Variants in TMEM63C observed in about 807,000 individuals in gnomAD.
TMEM63C encodes the protein transmembrane protein 63C, also known as osmosensitive cation channel TMEM63C.
In TMEM63C, 32 loss-of-function variants were observed where a neutral mutation model predicts 99.2. That is an observed-to-expected ratio of 0.32 (90% CI 0.24 to 0.43). TMEM63C has a LOEUF of 0.43. Among genes scored for constraint, TMEM63C ranks in the 20% least tolerant of loss-of-function variants. The pLI is 1.00. For missense variants in TMEM63C, 826 were observed against 1,053.0 expected (o/e 0.78, Z 2.98); for synonymous variants, 376 against 397.9 (o/e 0.94, Z 0.66).
intron 22 of TMEM63C, among the ~76,000 whole-genome samples, chr14:77,252,200 G>A (rs1889379242): frequency 6.6e-6 from 1 of 152,166 alleles, no homozygotes; most frequent in South Asian, 2.1e-4. Context: ...TGAGTCCAGT[G>A]CAGCCACTGA....
At chr14:77,204,651 T>C (rs557202463) in intron 1 of TMEM63C, among the ~76,000 whole-genome samples, 1 of 152,376 alleles carries the variant, frequency 6.6e-6, no homozygotes, top group East Asian at 1.9e-4. Flanking sequence ...AGCCGTCTGC[T>C]ACGTCATCCC....
chr14:77,210,612 G>C (rs1014669351), intron 1 of TMEM63C, among the ~76,000 whole-genome samples: 1 of 152,086 alleles, frequency 6.6e-6, no homozygotes, highest in African/African-American at 2.4e-5. Flanking sequence ...AGCCATGAGA[G>C]TAAACCTCAC....
intron 1 of TMEM63C, among the ~76,000 whole-genome samples, chr14:77,209,730 C>A (rs979438298): frequency 6.6e-6 from 1 of 152,116 alleles, no homozygotes; most frequent in African/African-American, 2.4e-5. Context: ...CAAGGCTCAC[C>A]CAAGTCCAGG....
intron 2 of TMEM63C, among the ~76,000 whole-genome samples, chr14:77,217,204 T>C (rs1415734450): frequency 1.3e-5 from 2 of 151,910 alleles, no homozygotes; most frequent in Admixed American, 1.3e-4. Flanking sequence ...CCCTTTGCCC[T>C]GCCCTGTGCA....
At chr14:77,213,751 C>T (rs1278282390) in intron 2 of TMEM63C, 2 of 151,808 alleles carry the variant, frequency 1.3e-5, no homozygotes, top group Non-Finnish European at 2.9e-5. Context: ...GTACTGTGTT[C>T]GATGTAAACT....
chr14:77,199,403 A>G (rs1888260814), intron 1 of TMEM63C, among the ~76,000 whole-genome samples: 1 of 152,098 alleles, frequency 6.6e-6, no homozygotes, highest in South Asian at 2.1e-4. Flanking sequence ...GGGCCTCATG[A>G]TCTGGTCCCA....
chr14:77,240,931 CTTTTT>C, intron 13 of TMEM63C, among the ~76,000 whole-genome samples: 1 of 128,502 alleles, frequency 7.8e-6, no homozygotes, highest in South Asian at 2.4e-4. Flanking sequence ...TTCCCTTTTT[CTTTTT>C]TTTTTTTTTT....
At chr14:77,240,440 C>G (rs1889147264) in intron 12 of TMEM63C, 35 bp from the exon 13 acceptor site, 7 of 1,589,932 alleles carry the variant, frequency 4.4e-6, no homozygotes, top group Non-Finnish European at 6.0e-6. Context: ...TCCTGGGGCT[C>G]TGGCCCCAGC....
In TMEM63C at chr14:77,258,534, A is replaced by G. The variant is rs1889515991; in HGVS notation, c.*1808A>G. ...TTGTCCAGCTAGGAATAAAGGGGAA[A>G]TGGTCCTAGCCTGGCCCCTACACAC... is the stretch of plus-strand genomic sequence containing the variant. On this transcript the variant is annotated 3_prime_UTR_variant, in exon 24 of 24. Transcript: ENST00000298351. 1 of 152,228 alleles carries G rather than the reference A, an allele frequency of 6.6e-6. No individual in the cohort carries two copies. 9.4% of individuals were successfully genotyped at this position (152,228 alleles called of 1,614,324 possible). A position where few individuals can be genotyped will look rare whatever the true frequency, so the allele number is the denominator to read the frequency against.
intron 1 of TMEM63C, among the ~76,000 whole-genome samples, chr14:77,208,552 G>A (rs973013471): frequency 3.4e-4 from 51 of 152,214 alleles, no homozygotes; most frequent in African/African-American, 1.2e-3. Context: ...ATGTCTAATT[G>A]AAGAGCTCTA....
chr14:77,240,178 C>T (rs560616521), intron 12 of TMEM63C, among the ~76,000 whole-genome samples: 2 of 152,322 alleles, frequency 1.3e-5, no homozygotes, highest in South Asian at 2.1e-4. Flanking sequence ...CACCCTCTCT[C>T]GTGGAAATGC....
chr14:77,239,528 G>T (rs368745372), intron 11 of TMEM63C, 36 bp downstream of exon 11: 27 of 1,612,170 alleles, frequency 1.7e-5, no homozygotes, highest in Non-Finnish European at 2.0e-5. Context: ...GGCCCGGGGT[G>T]GGGGTAAAAG....
In TMEM63C at chr14:77,242,014, A is replaced by G. The variant is rs78143881; in HGVS notation, c.1065-333A>G. 6.2e-3 allele frequency among the ~76,000 whole-genome samples: 944 copies of G among 152,376 alleles called. 12 individuals carry two copies. Among genetic ancestry groups the G allele is most frequent in the African/African-American group, 0.022 (916 of 41,592 alleles). ...TTGATATTAAGATGAGGCTAAAAGTAGTACCTCCCTTATCAAATCTCAAAG... is the reference window on the plus strand; with the variant it reads ...TTGATATTAAGATGAGGCTAAAAGTGGTACCTCCCTTATCAAATCTCAAAG... On this transcript the variant is annotated intron_variant, in intron 13 of 23. Coordinates refer to ENST00000298351, the MANE Select transcript of TMEM63C (RefSeq NM_020431.4).
chr14:77,220,316 T>G (rs111751304), intron 5 of TMEM63C, among the ~76,000 whole-genome samples: 1 of 152,178 alleles, frequency 6.6e-6, no homozygotes, highest in Non-Finnish European at 1.5e-5. Flanking sequence ...AAGTAAGTGT[T>G]AACGAATTAA....
At chr14:77,245,362 T>C (rs1889251426) in intron 16 of TMEM63C, among the ~76,000 whole-genome samples, 1 of 152,170 alleles carries the variant, frequency 6.6e-6, no homozygotes, top group African/African-American at 2.4e-5. Context: ...GTATGCACAA[T>C]TAAACCAATT....
chr14:77,238,619 C>A, intron 9 of TMEM63C, 75 bp from the exon 10 acceptor site: 1 of 1,238,762 alleles, frequency 8.1e-7, no homozygotes, highest in Non-Finnish European at 1.2e-6. Context: ...TGCTCTGAGC[C>A]ACCAAAAGAC....
rs184859598 is a variant in TMEM63C, at chr14:77,251,584, T to C, written c.2039-205T>C. On this transcript the variant is annotated intron_variant, in intron 21 of 23. Coordinates refer to ENST00000298351, the MANE Select transcript of TMEM63C (RefSeq NM_020431.4). ...GTACTGAAGTCAATTAAAACATTTT[T>C]TCATGGACTCCACAGATGCCAAATT... 24 of 580,760 alleles carry C rather than the reference T, an allele frequency of 4.1e-5. No individual in the cohort carries two copies. In the African/African-American group the frequency reaches 4.3e-4, roughly 10 times the overall value. The allele number at this position is 580,760 out of a possible 1,614,324, so 36.0% of individuals were successfully genotyped here.
chr14:77,256,554 C>G lies in TMEM63C; in HGVS notation c.2249C>G (p.Pro750Arg). Reference sequence around the variant, plus strand: ...TATGTGGCCACCGTGCTGCAAGAACCGGAGTTGAATCTGACCCCCGCCTCC... The same window carrying G: ...TATGTGGCCACCGTGCTGCAAGAACGGGAGTTGAATCTGACCCCCGCCTCC... ...LLYVATVLQE[P>R]ELNLTPASSP... The change falls in exon 24 of 24, where the codon CCG becomes CGG. Residue 750 changes from proline to arginine, a missense_variant. Pro to Arg is a moderately radical substitution (Grantham distance 103, BLOSUM62 -2). Transcript: ENST00000298351. 1 of 1,613,962 alleles carries G rather than the reference C, an allele frequency of 6.2e-7. No individual in the cohort carries two copies. The highest frequency in any genetic ancestry group is 8.5e-7 in the Non-Finnish European group (1 of 1,179,864).
At position 77,244,335 on chromosome 14, in the gene TMEM63C, CT is replaced by C; in HGVS notation, c.1342-13del. ...TTGACGTCTCTCCTGCCGTCCTCCC[CT>C]CTCCCCCTGCAGAACCCAATTGTGA... On this transcript the variant is annotated splice_polypyrimidine_tract_variant and intron_variant, in intron 15 of 23. Coordinates refer to ENST00000298351, the MANE Select transcript of TMEM63C (RefSeq NM_020431.4). 6.2e-7 allele frequency: 1 copy of C among 1,602,038 alleles called. No homozygotes were observed. Among genetic ancestry groups the C allele is most frequent in the Non-Finnish European group, 8.6e-7 (1 of 1,169,290 alleles).
Sources: gnomAD v4.1 joint callset for allele counts (sites outside exome capture counted in the v4.1 genomes callset) on GRCh38, gnomAD v4.1.1 for gene constraint, MANE v1.5 for transcripts, NCBI Gene and HGNC (gene_info 2026-07-23, HGNC 2026-07-21) for gene names.